PRKAR2A: variants seen among roughly 807,000 people sequenced by gnomAD.
PRKAR2A encodes cAMP-dependent protein kinase type II-alpha regulatory subunit.
Under a neutral mutation model 51.9 loss-of-function variants are expected in PRKAR2A, and 29 were observed. The observed-to-expected ratio is 0.56, with a 90% confidence interval of 0.42 to 0.76. The LOEUF is 0.76. Among genes scored for constraint, PRKAR2A ranks in the 30% least tolerant of loss-of-function variants. The probability of loss-of-function intolerance (pLI) is 0.00; values close to 1 mark genes in which losing one functional copy is unlikely to be tolerated. For synonymous variants in PRKAR2A, 178 were observed against 186.2 expected (o/e 0.96, Z 0.36); for missense variants, 445 against 512.1 (o/e 0.87, Z 1.26).
intron 8 of PRKAR2A, among the ~76,000 whole-genome samples, chr3:48,761,480 A>T (rs2081862527): frequency 6.6e-6 from 1 of 152,256 alleles, no homozygotes; most frequent in Non-Finnish European, 1.5e-5. Flanking sequence ...TGAAGACAGT[A>T]TTAAAAATGT....
At chr3:48,782,719 G>A (rs1219717159) in intron 5 of PRKAR2A, among the ~76,000 whole-genome samples, 1 of 152,182 alleles carries the variant, frequency 6.6e-6, no homozygotes, top group Non-Finnish European at 1.5e-5. Flanking sequence ...GCCTCCCAAA[G>A]TGCTGCAATT....
In PRKAR2A at chr3:48,751,195, A is replaced by G. The variant is rs562729469; in HGVS notation, c.*390T>C. On this transcript the variant is annotated 3_prime_UTR_variant, in exon 11 of 11. Coordinates refer to ENST00000265563, the MANE Select transcript of PRKAR2A (RefSeq NM_004157.4). Reference sequence around the variant, plus strand: ...ATTAGAGAGTGTCTACAGTTATACAACAGGTTTCTGCAGACCCTGTGGTAA... The same window carrying G: ...ATTAGAGAGTGTCTACAGTTATACAGCAGGTTTCTGCAGACCCTGTGGTAA... 15 of 419,742 alleles carry G rather than the reference A, an allele frequency of 3.6e-5. No homozygotes were observed. The highest frequency in any genetic ancestry group is 1.6e-4 in the African/African-American group (8 of 49,142). The allele number at this position is 419,742 out of a possible 1,614,324, so 26.0% of individuals were successfully genotyped here.
chr3:48,810,701 A>G (rs2082756543), intron 1 of PRKAR2A, among the ~76,000 whole-genome samples: 1 of 152,220 alleles, frequency 6.6e-6, no homozygotes, highest in Admixed American at 6.5e-5. Flanking sequence ...GTAAATACAT[A>G]TATATGTATA....
intron 1 of PRKAR2A, 119 bp from the exon 2 acceptor site, chr3:48,807,803 C>T (rs2082696282): frequency 2.7e-6 from 2 of 748,146 alleles, no homozygotes; most frequent in African/African-American, 1.7e-5. Flanking sequence ...AGCAGTGGGT[C>T]AGTTCATAGT....
intron 4 of PRKAR2A, among the ~76,000 whole-genome samples, chr3:48,786,376 C>T (rs1032841012): frequency 4.0e-5 from 6 of 150,680 alleles, no homozygotes; most frequent in African/African-American, 1.2e-4. Context: ...CTGCCCGCCT[C>T]GGCCTCCCAA....
intron 2 of PRKAR2A, among the ~76,000 whole-genome samples, chr3:48,803,118 C>T (rs2082616486): frequency 6.6e-6 from 1 of 152,070 alleles, no homozygotes; most frequent in African/African-American, 2.4e-5. Flanking sequence ...TCTAGGAGAA[C>T]AGAAGAGTGA....
chr3:48,790,171 T>C lies in PRKAR2A; in HGVS notation c.435+373A>G, dbSNP rs562799063. On this transcript the variant is annotated intron_variant, in intron 4 of 10. Transcript: ENST00000265563. ...GAATACACGGGGACAAAGTGATGAT[T>C]TGCGTTCTGGGTGGCAGTAGAGCAG... Among the ~76,000 whole-genome samples the C allele has an allele frequency of 9.9e-5, 15 of 152,244 alleles. No individual in the cohort carries two copies. In the South Asian group the frequency reaches 3.1e-3, roughly 32 times the overall value.
chr3:48,802,327 C>T (rs955562293), intron 2 of PRKAR2A, among the ~76,000 whole-genome samples: 6 of 152,154 alleles, frequency 3.9e-5, no homozygotes, highest in Non-Finnish European at 4.4e-5. Context: ...CAGGCCACCT[C>T]GCCCAGCCTG....
Position 48,758,211 on chromosome 3 carries a change from T to C in PRKAR2A, c.874-1767A>G, listed in dbSNP as rs562124433. Reference sequence around the variant, plus strand: ...AGGTGGAGGTTGCAGTGATCCGAGGTTGCACCACTGTACTCCAGCCTGGGC... The same window carrying C: ...AGGTGGAGGTTGCAGTGATCCGAGGCTGCACCACTGTACTCCAGCCTGGGC... On this transcript the variant is annotated intron_variant, in intron 8 of 10. Transcript: ENST00000265563. 2.4e-3 allele frequency among the ~76,000 whole-genome samples: 357 copies of C among 147,466 alleles called. 3 individuals are homozygous for C. The highest frequency in any genetic ancestry group is 8.4e-3 in the African/African-American group (335 of 39,790).
At chr3:48,768,001 T>C (rs2081966204) in intron 6 of PRKAR2A, among the ~76,000 whole-genome samples, 2 of 148,976 alleles carry the variant, frequency 1.3e-5, no homozygotes, top group South Asian at 2.1e-4. Flanking sequence ...AAAAAACCCA[T>C]ACAGGCTGGG....
intron 5 of PRKAR2A, among the ~76,000 whole-genome samples, chr3:48,781,496 C>T (rs1312461132): frequency 6.6e-6 from 1 of 151,614 alleles, no homozygotes; most frequent in Non-Finnish European, 1.5e-5. Flanking sequence ...TGCACACCAC[C>T]ACGCCCGGTT....
intron 1 of PRKAR2A, among the ~76,000 whole-genome samples, chr3:48,808,519 C>T (rs1284419921): frequency 6.6e-6 from 1 of 152,042 alleles, no homozygotes; most frequent in Non-Finnish European, 1.5e-5. Flanking sequence ...TCCCAAAGTG[C>T]TGGGATTACA....
chr3:48,792,607 G>A (rs1342048081), intron 3 of PRKAR2A, among the ~76,000 whole-genome samples: 5 of 150,602 alleles, frequency 3.3e-5, no homozygotes, highest in East Asian at 2.0e-4. Context: ...GATTACAGGC[G>A]CCTGCCACCA....
chr3:48,847,727 T>C lies in PRKAR2A; in HGVS notation c.-131A>G. The C allele has an allele frequency of 3.2e-6, 3 of 949,036 alleles. No individual in the cohort carries two copies. The highest frequency in any genetic ancestry group is 4.3e-6 in the Non-Finnish European group (3 of 699,636). The allele number at this position is 949,036 out of a possible 1,614,324, so 58.8% of individuals were successfully genotyped here. Reference sequence around the variant, plus strand: ...ACGGCCCCGGCTCACGTCGCGCCGCTCTTTGGCCGGCTCTGCGTTTCCGGG... The same window carrying C: ...ACGGCCCCGGCTCACGTCGCGCCGCCCTTTGGCCGGCTCTGCGTTTCCGGG... On this transcript the variant is annotated 5_prime_UTR_variant, in exon 1 of 11. Coordinates refer to ENST00000265563, the MANE Select transcript of PRKAR2A (RefSeq NM_004157.4). This position sits in a 1 kb window ranked among gnomAD's most constrained non-coding sequence, Gnocchi z 4.4.
intron 1 of PRKAR2A, among the ~76,000 whole-genome samples, chr3:48,839,932 A>G (rs576966068): frequency 6.6e-6 from 1 of 152,302 alleles, no homozygotes; most frequent in South Asian, 2.1e-4. Context: ...CATTAAGTAC[A>G]TACATTGTGC....
Position 48,782,991 on chromosome 3 carries a change from T to A in PRKAR2A, c.537A>T (p.Ile179=), listed in dbSNP as rs1299368108. The A allele has an allele frequency of 6.2e-7, 1 of 1,602,636 alleles. No individual in the cohort carries two copies. The highest frequency in any genetic ancestry group is 1.3e-5 in the African/African-American group (1 of 74,686). ...QGDDGDNFYV[I]ERGTYDILVT... ...TTCAAAGCTCCATCTCCTACCGTTCTATGACATAAAAGTTGTCTCCATCAT... is the reference window on the plus strand; with the variant it reads ...TTCAAAGCTCCATCTCCTACCGTTCAATGACATAAAAGTTGTCTCCATCAT... Residue 179 remains isoleucine, a synonymous_variant, in exon 5 of 11, where the codon ATA becomes ATT. Transcript: ENST00000265563.
chr3:48,813,193 G>A (rs2082805919), intron 1 of PRKAR2A, among the ~76,000 whole-genome samples: 1 of 144,398 alleles, frequency 6.9e-6, no homozygotes, highest in African/African-American at 2.6e-5. Context: ...CCAAGGGTTC[G>A]AGACCAACCT....
Position 48,748,107 on chromosome 3 carries a change from T to TCA in PRKAR2A, c.*3476_*3477dup, listed in dbSNP as rs2081587443. On this transcript the variant is annotated 3_prime_UTR_variant, in exon 11 of 11. Transcript: ENST00000265563. Reference sequence around the variant, plus strand: ...TCTGAACTGATGATCCATATGTCAATCAGTAGTTGGAGGAGGATGACTTTT... The same window carrying TCA: ...TCTGAACTGATGATCCATATGTCAATCACAGTAGTTGGAGGAGGATGACTTTT... 1 of 151,318 alleles carries TCA rather than the reference T, an allele frequency of 6.6e-6. No homozygotes were observed. The highest frequency in any genetic ancestry group is 2.1e-4 in the South Asian group (1 of 4,816). 9.4% of individuals were successfully genotyped at this position (151,318 alleles called of 1,614,324 possible).
At chr3:48,773,617 TG>T (rs1183490714) in intron 5 of PRKAR2A, among the ~76,000 whole-genome samples, 1 of 151,814 alleles carries the variant, frequency 6.6e-6, no homozygotes, top group African/African-American at 2.4e-5. Context: ...GGATTACAGG[TG>T]TGAGCCACCA....
Sources: allele counts gnomAD v4.1 joint callset (sites outside exome capture counted in the v4.1 genomes callset), GRCh38; gene constraint gnomAD v4.1.1; non-coding constraint Gnocchi (gnomAD v3.1); transcripts MANE v1.5; gene names NCBI Gene and HGNC (gene_info 2026-07-23, HGNC 2026-07-21).